Variants in PCGF6 observed in about 807,000 individuals in gnomAD.
PCGF6 encodes the protein polycomb group ring finger 6, also known as polycomb group RING finger protein 6.
Under a neutral mutation model 45.5 loss-of-function variants are expected in PCGF6, and 24 were observed. The ratio of observed to expected loss-of-function variants is 0.53; its 90% CI spans 0.38 to 0.74. PCGF6 has a LOEUF of 0.74. Among genes scored for constraint, PCGF6 ranks in the 30% least tolerant of loss-of-function variants. The pLI, the probability that PCGF6 is intolerant of heterozygous loss-of-function variation, is 0.00. For synonymous variants in PCGF6, 152 were observed against 162.1 expected, an observed-to-expected ratio of 0.94 and a Z score of 0.47; for missense variants, 356 against 443.2, an observed-to-expected ratio of 0.80 and a Z score of 1.77.
intron 3 of PCGF6, chr10:103,348,353 TTG>T: frequency 6.3e-6 from 1 of 158,758 alleles, no homozygotes; most frequent in Non-Finnish European, 1.4e-5. Context: ...TTTTTTTTTT[TTG>T]AGATACTCTC....
chr10:103,341,278 C>T (rs527619153), intron 6 of PCGF6, among the ~76,000 whole-genome samples: 264 of 150,480 alleles, frequency 1.8e-3, no homozygotes, highest in South Asian at 3.9e-3. Context: ...TTTTTTGAGA[C>T]GGAGTTTCAC....
chr10:103,319,418 T>G (rs961881501), intron 8 of PCGF6, among the ~76,000 whole-genome samples: 4 of 152,168 alleles, frequency 2.6e-5, no homozygotes, highest in Non-Finnish European at 5.9e-5. Context: ...CCCAAAGTGC[T>G]GGGATTACAA....
intron 9 of PCGF6, 101 bp from the exon 10 acceptor site, chr10:103,304,062 T>C: frequency 1.2e-6 from 1 of 857,136 alleles, no homozygotes; most frequent in East Asian, 2.6e-5. Flanking sequence ...AATCTAACAC[T>C]AAGGTGAAAT....
At chr10:103,331,414 C>A (rs529181211) in intron 7 of PCGF6, among the ~76,000 whole-genome samples, 2 of 152,048 alleles carry the variant, frequency 1.3e-5, no homozygotes, top group African/African-American at 2.4e-5. Flanking sequence ...CCCACCACCA[C>A]GCCTGGCTAA....
chr10:103,306,062 T>A (rs1440552838), intron 9 of PCGF6, among the ~76,000 whole-genome samples: 5 of 151,276 alleles, frequency 3.3e-5, no homozygotes, highest in African/African-American at 4.8e-5. Flanking sequence ...AGATCTTAAT[T>A]CTTTGGCTCT....
At chr10:103,312,013 G>T (rs1232873658) in intron 9 of PCGF6, among the ~76,000 whole-genome samples, 2 of 148,586 alleles carry the variant, frequency 1.3e-5, no homozygotes, top group African/African-American at 5.0e-5. Flanking sequence ...TTGACCCCAG[G>T]AGGAGGAGGT....
intron 8 of PCGF6, among the ~76,000 whole-genome samples, chr10:103,320,690 C>CAA (rs879816277): frequency 1.4e-5 from 2 of 142,432 alleles, no homozygotes; most frequent in African/African-American, 5.1e-5. Flanking sequence ...AACTTTGTCT[C>CAA]AAAAAAAAAA....
chr10:103,332,043 C>T (rs759861210), intron 7 of PCGF6, among the ~76,000 whole-genome samples: 1 of 152,154 alleles, frequency 6.6e-6, no homozygotes. Context: ...CTGCCCACCT[C>T]GGCCTCCCAA....
Position 103,333,955 on chromosome 10 carries a change from G to T in PCGF6, c.783-3C>A. The T allele has an allele frequency of 6.5e-7, 1 of 1,531,692 alleles. No individual in the cohort carries two copies. Among genetic ancestry groups the T allele is most frequent in the South Asian group, 1.3e-5 (1 of 76,960 alleles). 94.9% of individuals were successfully genotyped at this position (1,531,692 alleles called of 1,614,324 possible). On this transcript the variant is annotated splice_polypyrimidine_tract_variant and splice_region_variant and intron_variant, in intron 6 of 9. Transcript: ENST00000369847. ...AATGTCCCGTGCCTTCATTAGCACTGAAAAATGAGAGCAAAATTAATCAAT... is the reference window on the plus strand; with the variant it reads ...AATGTCCCGTGCCTTCATTAGCACTTAAAAATGAGAGCAAAATTAATCAAT...
intron 7 of PCGF6, among the ~76,000 whole-genome samples, 185 bp from the exon 8 acceptor site, chr10:103,326,817 T>C (rs960396390): frequency 6.6e-6 from 1 of 152,190 alleles, no homozygotes; most frequent in Non-Finnish European, 1.5e-5. Context: ...AAAATGGAAA[T>C]TCTGCTTAGC....
At chr10:103,331,912 C>A (rs2093241317) in intron 7 of PCGF6, among the ~76,000 whole-genome samples, 1 of 152,178 alleles carries the variant, frequency 6.6e-6, no homozygotes, top group Admixed American at 6.5e-5. Context: ...CCTGCCTCAG[C>A]CTCCCGGGTA....
At chr10:103,308,656 G>A (rs1295894363) in intron 9 of PCGF6, among the ~76,000 whole-genome samples, 1 of 152,004 alleles carries the variant, frequency 6.6e-6, no homozygotes, top group Non-Finnish European at 1.5e-5. Context: ...AAGATTGCCT[G>A]AGCCCAGGGG....
chr10:103,350,368 G>A (rs1244174234), intron 1 of PCGF6, among the ~76,000 whole-genome samples: 2 of 151,904 alleles, frequency 1.3e-5, no homozygotes, highest in Non-Finnish European at 2.9e-5. Context: ...GAGGCCAGGA[G>A]TTGGAGGCTG....
intron 5 of PCGF6, 43 bp downstream of exon 5, chr10:103,347,195 T>C (rs1393545140): frequency 1.4e-6 from 2 of 1,437,270 alleles, no homozygotes; most frequent in African/African-American, 2.8e-5. Flanking sequence ...ATTGTTAGTA[T>C]TCTTTAATCT....
intron 7 of PCGF6, among the ~76,000 whole-genome samples, chr10:103,333,182 T>C (rs1433646066): frequency 6.6e-6 from 1 of 151,894 alleles, no homozygotes; most frequent in Non-Finnish European, 1.5e-5. Flanking sequence ...CATCAATCTC[T>C]GAGACACATG....
At chr10:103,336,087 A>G (rs1257781088) in intron 6 of PCGF6, among the ~76,000 whole-genome samples, 1 of 151,490 alleles carries the variant, frequency 6.6e-6, no homozygotes, top group East Asian at 1.9e-4. Flanking sequence ...GCAACAAATT[A>G]GCAAGGTGTG....
chr10:103,307,690 C>G (rs1028633933), intron 9 of PCGF6, among the ~76,000 whole-genome samples: 9 of 151,976 alleles, frequency 5.9e-5, no homozygotes, highest in Non-Finnish European at 4.4e-5. Flanking sequence ...CCAGGCTGGT[C>G]TCAAACTCCT....
intron 6 of PCGF6, among the ~76,000 whole-genome samples, chr10:103,341,645 T>C (rs997085544): frequency 4.0e-5 from 6 of 151,504 alleles, no homozygotes; most frequent in Admixed American, 6.6e-5. Flanking sequence ...GGTTTCACCA[T>C]ATTGGCCAGG....
intron 8 of PCGF6, among the ~76,000 whole-genome samples, chr10:103,324,850 G>T (rs2093211550): frequency 6.7e-6 from 1 of 149,254 alleles, no homozygotes; most frequent in South Asian, 2.1e-4. Flanking sequence ...AACTAATAGG[G>T]TCAGCTGGGC....
Sources: allele counts gnomAD v4.1 joint callset (sites outside exome capture counted in the v4.1 genomes callset), GRCh38; gene constraint gnomAD v4.1.1; transcripts MANE v1.5; gene names NCBI Gene and HGNC (gene_info 2026-07-23, HGNC 2026-07-21).